Variants in USP46 observed in about 807,000 individuals in gnomAD.
The protein encoded by USP46 is ubiquitin carboxyl-terminal hydrolase 46.
USP46 carries 12 observed loss-of-function variants against 44.4 expected under a neutral mutation model. The ratio of observed to expected loss-of-function variants is 0.27; its 90% CI spans 0.17 to 0.44. USP46 has a LOEUF of 0.44. Among genes scored for constraint, USP46 ranks in the 20% least tolerant of loss-of-function variants. The probability of loss-of-function intolerance (pLI) is 1.00; values close to 1 mark genes in which losing one functional copy is unlikely to be tolerated. For synonymous variants in USP46, 155 were observed against 161.5 expected (o/e 0.96, Z 0.31); for missense variants, 248 against 444.8 (o/e 0.56, Z 3.98).
chr4:52,654,206 G>A (rs1345764325), intron 1 of USP46, among the ~76,000 whole-genome samples: 1 of 152,186 alleles, frequency 6.6e-6, no homozygotes, highest in African/African-American at 2.4e-5. Flanking sequence ...ACCTCAGACT[G>A]TATTTTCTAA....
chr4:52,630,853 G>C (rs1717797496), intron 2 of USP46, among the ~76,000 whole-genome samples: 1 of 151,680 alleles, frequency 6.6e-6, no homozygotes. Flanking sequence ...ATGTAAATTT[G>C]ACCCAAAATG....
intron 8 of USP46, among the ~76,000 whole-genome samples, chr4:52,598,000 CA>C (rs1251354175): frequency 6.6e-6 from 1 of 152,154 alleles, no homozygotes; most frequent in Non-Finnish European, 1.5e-5. Context: ...AAGAACAAGC[CA>C]AGACATCTCC....
intron 1 of USP46, chr4:52,656,441 TG>T: frequency 3.0e-6 from 1 of 331,658 alleles, no homozygotes; most frequent in Non-Finnish European, 3.9e-6. Flanking sequence ...GGGCGGTGGG[TG>T]GGGGATTGAC....
At chr4:52,653,716 G>T (rs577867634) in intron 1 of USP46, among the ~76,000 whole-genome samples, 1 of 152,116 alleles carries the variant, frequency 6.6e-6, no homozygotes, top group South Asian at 2.1e-4. Flanking sequence ...AGCTTTGGGT[G>T]GCTTCATGGG....
intron 4 of USP46, among the ~76,000 whole-genome samples, chr4:52,618,049 T>C (rs753734778): frequency 6.6e-6 from 1 of 152,222 alleles, no homozygotes; most frequent in Admixed American, 6.5e-5. Flanking sequence ...AGGGTATACC[T>C]TATAAATCAT....
chr4:52,597,933 C>T (rs1307598812), intron 8 of USP46, among the ~76,000 whole-genome samples, 192 bp from the exon 9 acceptor site: 2 of 152,226 alleles, frequency 1.3e-5, no homozygotes, highest in East Asian at 1.9e-4. Flanking sequence ...AATTGTACAT[C>T]TCTGGGAAAG....
intron 6 of USP46, 50 bp downstream of exon 6, chr4:52,604,451 G>A (rs773306738): frequency 1.1e-5 from 16 of 1,499,632 alleles, no homozygotes; most frequent in Middle Eastern, 1.7e-4. Context: ...CCCCACAGTC[G>A]GGATCCTTCT....
chr4:52,653,026 G>A (rs1425560403), intron 1 of USP46, among the ~76,000 whole-genome samples: 7 of 151,984 alleles, frequency 4.6e-5, no homozygotes, highest in South Asian at 2.1e-4. Flanking sequence ...AAGCTTTGGC[G>A]ACCACAGAGT....
chr4:52,656,465 C>A lies in USP46; in HGVS notation c.36+2650G>T, dbSNP rs1301633056. 10 of 1,347,890 alleles carry A rather than the reference C, an allele frequency of 7.4e-6. No individual in the cohort carries two copies. The South Asian group carries it at 7.9e-5, about 11-fold the overall frequency. The allele number at this position is 1,347,890 out of a possible 1,614,324, so 83.5% of individuals were successfully genotyped here. ...GTGGGGGATTGACCTGAGCAGGGGGCGGGGTTAAGGATTCCCACTCCAGCC... is the reference window on the plus strand; with the variant it reads ...GTGGGGGATTGACCTGAGCAGGGGGAGGGGTTAAGGATTCCCACTCCAGCC... On this transcript the variant is annotated intron_variant, in intron 1 of 8. Coordinates refer to ENST00000441222, the MANE Select transcript of USP46 (RefSeq NM_022832.4).
chr4:52,628,195 A>G lies in USP46; in HGVS notation c.118-32T>C, dbSNP rs6819974. 335 of 1,602,256 alleles carry G rather than the reference A, an allele frequency of 2.1e-4. No homozygotes were observed. In the African/African-American group the frequency reaches 4.2e-3, roughly 20 times the overall value. On this transcript the variant is annotated intron_variant, in intron 2 of 8. Coordinates refer to ENST00000441222, the MANE Select transcript of USP46 (RefSeq NM_022832.4). The stretch of plus-strand genomic sequence containing the variant: ...AGGGACAAGAGGGATGGCTCAAGTC[A>G]TTGCCTGGGGATGAGCCACCTCTGG...
At chr4:52,611,980 C>T (rs1223425038) in intron 4 of USP46, among the ~76,000 whole-genome samples, 1 of 152,154 alleles carries the variant, frequency 6.6e-6, no homozygotes, top group Non-Finnish European at 1.5e-5. Flanking sequence ...TATATAAAGT[C>T]GATGGCTTCA....
At chr4:52,618,446 C>T (rs1006707735) in intron 4 of USP46, among the ~76,000 whole-genome samples, 14 of 151,788 alleles carry the variant, frequency 9.2e-5, no homozygotes, top group Admixed American at 2.0e-4. Context: ...GCCAAGATCA[C>T]GCCACTACAC....
chr4:52,635,948 G>A (rs1343767200), intron 1 of USP46, among the ~76,000 whole-genome samples: 1 of 152,108 alleles, frequency 6.6e-6, no homozygotes, highest in Non-Finnish European at 1.5e-5. Flanking sequence ...GGTTCACTGT[G>A]CTTTCTGTTT....
At chr4:52,628,419 C>A in intron 2 of USP46, 1 of 414,956 alleles carries the variant, frequency 2.4e-6, no homozygotes, top group Non-Finnish European at 4.4e-6. Context: ...TGATAATAAG[C>A]ACTCTACCTC....
chr4:52,605,296 C>A (rs967659277), intron 5 of USP46, among the ~76,000 whole-genome samples: 1 of 152,168 alleles, frequency 6.6e-6, no homozygotes, highest in Non-Finnish European at 1.5e-5. Flanking sequence ...TCTGCCTTAT[C>A]ATGAGGTTCT....
In USP46 at chr4:52,602,067, G is replaced by A. The variant is rs1314909739; in HGVS notation, c.723-13C>T. The A allele has an allele frequency of 1.9e-6, 3 of 1,606,716 alleles. No homozygotes were observed. Among genetic ancestry groups the A allele is most frequent in the Non-Finnish European group, 2.6e-6 (3 of 1,175,854 alleles). ...TTTTACCCTCATCCTAAGAAACCAAGAAATAGAAAATCAGTTGTACCCAAC... is the reference window on the plus strand; with the variant it reads ...TTTTACCCTCATCCTAAGAAACCAAAAAATAGAAAATCAGTTGTACCCAAC... On this transcript the variant is annotated splice_polypyrimidine_tract_variant and intron_variant, in intron 6 of 8. Transcript: ENST00000441222.
rs1553891297 is a variant in USP46, at chr4:52,632,985, A to AAAGAAAGAAAGAAAGAAAG, written c.37-1842_37-1841insCTTTCTTTCTTTCTTTCTT. ...GAAAGAAAGAAAGAAAGAAAGAAAG[A>AAAGAAAGAAAGAAAGAAAG]AAAGAAAAGAAAGAAAGAAAGAAAG... is the stretch of plus-strand genomic sequence containing the variant. On this transcript the variant is annotated intron_variant, in intron 1 of 8. Coordinates refer to ENST00000441222, the MANE Select transcript of USP46 (RefSeq NM_022832.4). 4.1e-3 allele frequency among the ~76,000 whole-genome samples: 218 copies of AAAGAAAGAAAGAAAGAAAG among 53,054 alleles called. 1 individual carries two copies. The highest frequency in any genetic ancestry group is 9.1e-3 in the East Asian group (15 of 1,642). The allele number at this position is 53,054 out of a possible 152,430, so 34.8% of individuals were successfully genotyped here.
At chr4:52,621,173 T>G (rs1396965852) in intron 4 of USP46, among the ~76,000 whole-genome samples, 1 of 152,136 alleles carries the variant, frequency 6.6e-6, no homozygotes, top group Admixed American at 6.5e-5. Context: ...AGAACTAATT[T>G]TACAGAATGT....
chr4:52,605,924 C>T (rs749447319), intron 5 of USP46, among the ~76,000 whole-genome samples: 13 of 152,302 alleles, frequency 8.5e-5, no homozygotes, highest in African/African-American at 2.9e-4. Context: ...CTGGCTAACC[C>T]GGTTGTTCAG....
Sources: gnomAD v4.1 joint callset for allele counts (sites outside exome capture counted in the v4.1 genomes callset) on GRCh38, gnomAD v4.1.1 for gene constraint, MANE v1.5 for transcripts, NCBI Gene and HGNC (gene_info 2026-07-23, HGNC 2026-07-21) for gene names.